PAX2: variants seen among roughly 807,000 people sequenced by gnomAD.
The protein encoded by PAX2 is paired box 2, also known as paired box protein Pax-2.
A neutral mutation model predicts 41.7 loss-of-function variants in PAX2; 9 were observed. The ratio of observed to expected loss-of-function variants is 0.22; its 90% CI spans 0.13 to 0.38. The LOEUF (loss-of-function observed/expected upper bound fraction) is 0.38. Ranked by LOEUF, PAX2 falls within the 10% of genes least tolerant of loss-of-function variation. The probability of loss-of-function intolerance (pLI) is 1.00; values close to 1 mark genes in which losing one functional copy is unlikely to be tolerated. For synonymous variants in PAX2, 221 were observed against 212.7 expected (o/e 1.04, Z -0.34); for missense variants, 418 against 531.6 (o/e 0.79, Z 2.10).
chr10:100,743,882 G>A (rs947344884), upstream of PAX2, among the ~76,000 whole-genome samples: 4 of 152,202 alleles, frequency 2.6e-5, no homozygotes, highest in Non-Finnish European at 4.4e-5. Flanking sequence ...GATAGGGGCT[G>A]GGAGGGGCAG....
At chr10:100,741,983 C>T, upstream of PAX2, among the ~76,000 whole-genome samples, 1 of 152,198 alleles carries the variant, frequency 6.6e-6, no homozygotes, top group East Asian at 1.9e-4. Flanking sequence ...AGGTCCCGGC[C>T]ACGGGGGAGG....
In PAX2 at chr10:100,764,672, C is replaced by T. The variant is rs1354350836; in HGVS notation, c.410+13781C>T. 2.0e-5 allele frequency among the ~76,000 whole-genome samples: 3 copies of T among 150,164 alleles called. No individual in the cohort carries two copies. In the East Asian group the frequency reaches 5.8e-4, roughly 29 times the overall value. The stretch of plus-strand genomic sequence containing the variant: ...CCTTTGTCAACTTTGAGAGCCCAGA[C>T]CTTGTGGCTGTGTGTGTGTGTGTGT... On this transcript the variant is annotated intron_variant, in intron 3 of 9. Transcript: ENST00000355243.
chr10:100,793,666 C>A (rs1050256373), intron 5 of PAX2, among the ~76,000 whole-genome samples: 2 of 152,236 alleles, frequency 1.3e-5, no homozygotes, highest in African/African-American at 4.8e-5. Flanking sequence ...TAGGAAATGC[C>A]AGGGCCCTAA....
At chr10:100,757,274 G>A (rs897823017) in intron 3 of PAX2, among the ~76,000 whole-genome samples, 1 of 152,226 alleles carries the variant, frequency 6.6e-6, no homozygotes, top group Admixed American at 6.5e-5. Context: ...GGCAAGGCTG[G>A]ACACCTTGTA....
intron 3 of PAX2, among the ~76,000 whole-genome samples, chr10:100,758,323 G>A (rs1381409398): frequency 6.6e-6 from 1 of 152,066 alleles, no homozygotes; most frequent in Non-Finnish European, 1.5e-5. Flanking sequence ...TGTATTTTTA[G>A]TAGAGATGGG....
rs1848675456 is a variant in PAX2 at position 100,828,777 on chromosome 10, C to A, written c.*1158C>A. ...TCCTCCGGCAGGAACTGAACAGAAC[C>A]ACAAAAAGTCTACATTTATTTAATA... On this transcript the variant is annotated 3_prime_UTR_variant, in exon 10 of 10. Transcript: ENST00000355243. This position sits in a 1 kb window ranked among gnomAD's most constrained non-coding sequence, Gnocchi z 6.5. 1 of 233,374 alleles carries A rather than the reference C, an allele frequency of 4.3e-6. No individual in the cohort carries two copies. The highest frequency in any genetic ancestry group is 6.0e-5 in the East Asian group (1 of 16,578). The allele number at this position is 233,374 out of a possible 1,614,324, so 14.5% of individuals were successfully genotyped here.
chr10:100,747,997 C>T (rs890401887), intron 1 of PAX2: 87 of 984,156 alleles, frequency 8.8e-5, no homozygotes, highest in Non-Finnish European at 1.0e-4. Context: ...AGCCGCAGCG[C>T]GGGCCCGCGG....
At chr10:100,741,308 G>A (rs1172198048), upstream of PAX2, among the ~76,000 whole-genome samples, 2 of 151,560 alleles carry the variant, frequency 1.3e-5, no homozygotes, top group African/African-American at 2.4e-5. Context: ...AGAAATTAGG[G>A]GGTCTTAGAT....
chr10:100,780,143 C>T (rs1425826649), intron 4 of PAX2, among the ~76,000 whole-genome samples: 1 of 152,022 alleles, frequency 6.6e-6, no homozygotes, highest in Non-Finnish European at 1.5e-5. Flanking sequence ...TCCTCATGGC[C>T]TCTTTCCTCT....
At position 100,824,615 on chromosome 10, in the gene PAX2, A is replaced by G. The variant is rs771266620; in HGVS notation, c.920-33A>G. On this transcript the variant is annotated intron_variant, in intron 7 of 9. Transcript: ENST00000355243. This position sits in a 1 kb window ranked among gnomAD's most constrained non-coding sequence, Gnocchi z 6.6. The stretch of plus-strand genomic sequence containing the variant: ...GAGTAGAGGCAGGCCCCTTTCTTCC[A>G]GGCCTCACCCCTTCCCCTTTGTGTT... 4 of 1,410,416 alleles carry G rather than the reference A, an allele frequency of 2.8e-6. No homozygotes were observed. The highest frequency in any genetic ancestry group is 2.3e-5 in the South Asian group (2 of 87,138). 87.4% of individuals were successfully genotyped at this position (1,410,416 alleles called of 1,614,324 possible).
At chr10:100,782,576 G>A (rs912691655) in intron 5 of PAX2, among the ~76,000 whole-genome samples, 12 of 152,270 alleles carry the variant, frequency 7.9e-5, no homozygotes, top group Non-Finnish European at 1.8e-4. Flanking sequence ...AAGGGACAGC[G>A]TGGAGGGGAG....
rs1845266212 is a variant in PAX2, at chr10:100,748,005, CG to C, written c.43+1705del. 2 of 984,666 alleles carry C rather than the reference CG, an allele frequency of 2.0e-6. No homozygotes were observed. Among genetic ancestry groups the C allele is most frequent in the Non-Finnish European group, 2.4e-6 (2 of 829,838 alleles). The allele number at this position is 984,666 out of a possible 1,614,324, so 61.0% of individuals were successfully genotyped here. A position where few individuals can be genotyped will look rare whatever the true frequency, so the allele number is the denominator to read the frequency against. ...GGGAGAGAGCCGCAGCGCGGGCCCG[CG>C]GGCCGGTGGACTGGTGGGTGAGACA... On this transcript the variant is annotated intron_variant, in intron 1 of 9. Coordinates refer to ENST00000355243, the MANE Select transcript of PAX2 (RefSeq NM_000278.5). This position sits in a 1 kb window ranked among gnomAD's most constrained non-coding sequence, Gnocchi z 5.0.
chr10:100,795,994 T>C (rs993904122), intron 5 of PAX2, among the ~76,000 whole-genome samples: 1 of 152,224 alleles, frequency 6.6e-6, no homozygotes, highest in African/African-American at 2.4e-5. Flanking sequence ...CAAGGCCCTT[T>C]TTTGTTGTCT....
chr10:100,757,681 C>A (rs987974411), intron 3 of PAX2, among the ~76,000 whole-genome samples: 4 of 152,196 alleles, frequency 2.6e-5, no homozygotes, highest in Non-Finnish European at 5.9e-5. Flanking sequence ...CACCCCAGGG[C>A]CAGCCTGCAA....
At chr10:100,810,476 G>A (rs1034029487) in intron 7 of PAX2, among the ~76,000 whole-genome samples, 4 of 152,188 alleles carry the variant, frequency 2.6e-5, no homozygotes, top group Non-Finnish European at 4.4e-5. Flanking sequence ...CGGGAGTGAC[G>A]ACCTTAGCTG....
rs540363036 is a variant in PAX2, at chr10:100,740,024, C to A, written c.25+4291C>A. Among the ~76,000 whole-genome samples, 26 of 152,346 alleles carry A rather than the reference C, an allele frequency of 1.7e-4. 1 individual carries two copies. The South Asian group carries it at 2.9e-3, about 17-fold the overall frequency. On this transcript the variant is annotated intron_variant, in intron 1 of 9. Transcript: ENST00000679374. ...ACTCTCTAAGGTCCTCTTTCTTCCC[C>A]TCCTGTCTCTCCCTCCTTCGAGCCT...
chr10:100,750,197 T>A lies in PAX2; in HGVS notation c.212+283T>A, dbSNP rs984717050. On this transcript the variant is annotated intron_variant, in intron 2 of 9. Coordinates refer to ENST00000355243, the MANE Select transcript of PAX2 (RefSeq NM_000278.5). This position sits in a 1 kb window ranked among gnomAD's most constrained non-coding sequence, Gnocchi z 4.1. The stretch of plus-strand genomic sequence containing the variant: ...AGAAAGGGAAGGATGACTTTCCTAA[T>A]GGAGTTAAGGCAGATACGGGGTGGG... Among the ~76,000 whole-genome samples the A allele has an allele frequency of 6.6e-6, 1 of 151,194 alleles. No homozygotes were observed. Among genetic ancestry groups the A allele is most frequent in the Non-Finnish European group, 1.5e-5 (1 of 67,910 alleles).
upstream of PAX2, among the ~76,000 whole-genome samples, chr10:100,744,613 C>A (rs1014969497): frequency 6.6e-6 from 1 of 152,226 alleles, no homozygotes; most frequent in Non-Finnish European, 1.5e-5. Context: ...CGTCCGCAGC[C>A]TCCTCTTCTC....
intron 5 of PAX2, among the ~76,000 whole-genome samples, chr10:100,804,638 A>G (rs1457009605): frequency 1.3e-5 from 2 of 152,234 alleles, no homozygotes; most frequent in Non-Finnish European, 2.9e-5. Context: ...TCATGCAATC[A>G]CACACAGACA....
Sources: gnomAD v4.1 joint callset for allele counts (sites outside exome capture counted in the v4.1 genomes callset) on GRCh38, gnomAD v4.1.1 for gene constraint, Gnocchi (gnomAD v3.1) non-coding constraint, MANE v1.5 for transcripts, NCBI Gene and HGNC (gene_info 2026-07-23, HGNC 2026-07-21) for gene names.